Variants in EXOC6B observed in about 807,000 individuals in gnomAD.
EXOC6B encodes the protein exocyst complex component 6B.
In EXOC6B, 54 loss-of-function variants were observed where a neutral mutation model predicts 113.5. The ratio of observed to expected loss-of-function variants is 0.48; its 90% CI spans 0.38 to 0.60. The LOEUF (loss-of-function observed/expected upper bound fraction) is 0.60. EXOC6B is among the 20% of genes least tolerant of loss of function. The pLI is 0.00. For synonymous variants in EXOC6B, 357 were observed against 339.0 expected (o/e 1.05, Z -0.58); for missense variants, 797 against 977.5 (o/e 0.82, Z 2.46).
At position 72,636,227 on chromosome 2, in the gene EXOC6B, T is replaced by G. The variant is rs1054746422; in HGVS notation, c.670-60559A>C. On this transcript the variant is annotated intron_variant, in intron 6 of 21. Transcript: ENST00000272427. The stretch of plus-strand genomic sequence containing the variant: ...ACAGTGAAACCATGTATTAAATATC[T>G]TTTAAAAATAAAGAAGACAAGAAGA... Among the ~76,000 whole-genome samples the G allele has an allele frequency of 2.7e-5, 4 of 150,220 alleles. No individual in the cohort carries two copies. The Admixed American group carries it at 2.7e-4, about 10-fold the overall frequency.
chr2:72,561,600 C>T (rs1703888734), intron 7 of EXOC6B, among the ~76,000 whole-genome samples: 2 of 152,130 alleles, frequency 1.3e-5, no homozygotes, highest in South Asian at 4.1e-4. Flanking sequence ...GAATGAACAT[C>T]TAAATTAAGG....
intron 20 of EXOC6B, among the ~76,000 whole-genome samples, chr2:72,265,388 T>A (rs991583624): frequency 2.0e-5 from 3 of 149,488 alleles, no homozygotes; most frequent in African/African-American, 7.4e-5. Context: ...TATCTCCTAA[T>A]GCTATCCCTC....
At chr2:72,181,489 T>G (rs955572656) in intron 21 of EXOC6B, among the ~76,000 whole-genome samples, 5 of 152,118 alleles carry the variant, frequency 3.3e-5, no homozygotes, top group Non-Finnish European at 7.4e-5. Context: ...AAAGAAAGAT[T>G]CCCTTTCCTC....
chr2:72,357,874 G>C (rs957614337), intron 19 of EXOC6B, among the ~76,000 whole-genome samples: 3 of 152,088 alleles, frequency 2.0e-5, no homozygotes, highest in African/African-American at 4.8e-5. Context: ...TTTGTAGCCT[G>C]GGTATGTAGC....
intron 1 of EXOC6B, among the ~76,000 whole-genome samples, chr2:72,747,370 T>C (rs1348471596): frequency 6.6e-6 from 1 of 152,152 alleles, no homozygotes; most frequent in East Asian, 1.9e-4. Flanking sequence ...AAACTGCTTT[T>C]CCTGCCTTAG....
chr2:72,334,123 T>C (rs1422385056), intron 20 of EXOC6B, among the ~76,000 whole-genome samples: 1 of 151,958 alleles, frequency 6.6e-6, no homozygotes, highest in African/African-American at 2.4e-5. Flanking sequence ...AGTCATTGAT[T>C]CTTACTTCAT....
At chr2:72,733,853 G>A (rs560796550) in intron 2 of EXOC6B, among the ~76,000 whole-genome samples, 6 of 152,160 alleles carry the variant, frequency 3.9e-5, no homozygotes, top group African/African-American at 9.6e-5. Flanking sequence ...TTTAATAAAC[G>A]CTTTCTAGCC....
rs1678520972 is a variant in EXOC6B, at chr2:72,187,583, C to T, written c.2197-3396G>A. ...TTGCTCCTCTCTGCAGGCAGGTTGT[C>T]TCGATAAGTGTTCAGCTATCAGCAG... is the stretch of plus-strand genomic sequence containing the variant. On this transcript the variant is annotated intron_variant, in intron 20 of 21. Coordinates refer to ENST00000272427, the MANE Select transcript of EXOC6B (RefSeq NM_015189.3). 3.3e-5 allele frequency among the ~76,000 whole-genome samples: 5 copies of T among 152,082 alleles called. No homozygotes were observed. In the South Asian group the frequency reaches 1.0e-3, roughly 32 times the overall value.
chr2:72,481,914 A>G (rs531267332), intron 16 of EXOC6B, among the ~76,000 whole-genome samples: 1 of 152,314 alleles, frequency 6.6e-6, no homozygotes, highest in South Asian at 2.1e-4. Context: ...GATTCTAAAG[A>G]CCTTCATGAT....
intron 20 of EXOC6B, among the ~76,000 whole-genome samples, chr2:72,209,243 A>AAAAG (rs1680029291): frequency 9.0e-6 from 1 of 110,594 alleles, no homozygotes; most frequent in African/African-American, 3.6e-5. Flanking sequence ...AAAAAAAAAA[A>AAAAG]AAAAGAAAAG....
At chr2:72,644,296 G>T (rs927079639) in intron 6 of EXOC6B, among the ~76,000 whole-genome samples, 7 of 152,192 alleles carry the variant, frequency 4.6e-5, no homozygotes, top group Admixed American at 4.6e-4. Context: ...ATGGGACTAT[G>T]TGAAAAGACC....
intron 6 of EXOC6B, among the ~76,000 whole-genome samples, chr2:72,593,294 T>A (rs1449961397): frequency 6.6e-6 from 1 of 152,006 alleles, no homozygotes; most frequent in Non-Finnish European, 1.5e-5. Flanking sequence ...TAATAAAACC[T>A]GAGGAGGGAG....
intron 18 of EXOC6B, among the ~76,000 whole-genome samples, chr2:72,410,980 C>T (rs1053171259): frequency 2.0e-5 from 3 of 152,046 alleles, no homozygotes; most frequent in Non-Finnish European, 2.9e-5. Flanking sequence ...AGGCCAAGGC[C>T]GGTGGATAGC....
At chr2:72,626,148 A>C (rs1254984127) in intron 6 of EXOC6B, among the ~76,000 whole-genome samples, 1 of 152,156 alleles carries the variant, frequency 6.6e-6, no homozygotes, top group Non-Finnish European at 1.5e-5. Flanking sequence ...ATTTTTTCAC[A>C]TAAAGAATAT....
At chr2:72,180,711 C>T (rs921622697) in intron 21 of EXOC6B, among the ~76,000 whole-genome samples, 19 of 152,192 alleles carry the variant, frequency 1.2e-4, no homozygotes, top group African/African-American at 4.6e-4. Context: ...TTTTCTCCCC[C>T]ACTGTGGGTG....
intron 16 of EXOC6B, among the ~76,000 whole-genome samples, chr2:72,486,746 C>T (rs536306296): frequency 6.6e-6 from 1 of 152,050 alleles, no homozygotes; most frequent in Non-Finnish European, 1.5e-5. Flanking sequence ...ATCTTAAACT[C>T]TCTTACTTAA....
chr2:72,775,694 G>C (rs1346693927), intron 1 of EXOC6B, among the ~76,000 whole-genome samples: 1 of 152,160 alleles, frequency 6.6e-6, no homozygotes, highest in Non-Finnish European at 1.5e-5. Flanking sequence ...CATTTATACA[G>C]CAATTTTGTA....
At chr2:72,357,695 A>AC (rs942087898) in intron 19 of EXOC6B, among the ~76,000 whole-genome samples, 15 of 151,986 alleles carry the variant, frequency 9.9e-5, no homozygotes, top group African/African-American at 3.6e-4. Context: ...CCTTTAAAAA[A>AC]AAAAAAGATG....
At chr2:72,631,406 A>G (rs375762493) in intron 6 of EXOC6B, among the ~76,000 whole-genome samples, 20 of 102,296 alleles carry the variant, frequency 2.0e-4, no homozygotes, top group African/African-American at 5.5e-4. Context: ...GTGTGTGTAT[A>G]TGTGTGTGTG....
Sources: allele counts gnomAD v4.1 joint callset (sites outside exome capture counted in the v4.1 genomes callset), GRCh38; gene constraint gnomAD v4.1.1; transcripts MANE v1.5; gene names NCBI Gene and HGNC (gene_info 2026-07-23, HGNC 2026-07-21).